The following DISP1 variants were observed in gnomAD, a reference collection of about 807,000 sequenced individuals.
DISP1 encodes dispatched RND transporter family member 1.
Under a neutral mutation model 37.3 loss-of-function variants are expected in DISP1, and 30 were observed. The ratio of observed to expected loss-of-function variants is 0.80; its 90% CI spans 0.60 to 1.09. DISP1 has a LOEUF of 1.09. Ranked by LOEUF, DISP1 falls within the 50% of genes least tolerant of loss-of-function variation. The pLI is 0.00. For missense variants in DISP1, 1,598 were observed against 1,879.5 expected (o/e 0.85, Z 2.77); for synonymous variants, 634 against 690.2 (o/e 0.92, Z 1.28).
At chr1:222,867,081 T>C (rs1455409574) in intron 1 of DISP1, among the ~76,000 whole-genome samples, 1 of 152,168 alleles carries the variant, frequency 6.6e-6, no homozygotes, top group Non-Finnish European at 1.5e-5. Context: ...ACTGGCACAT[T>C]TTAAATACTT....
intron 3 of DISP1, among the ~76,000 whole-genome samples, chr1:222,962,863 G>T (rs994293498): frequency 6.6e-6 from 1 of 152,114 alleles, no homozygotes; most frequent in African/African-American, 2.4e-5. Context: ...CAGGACATAG[G>T]CATGGACAAA....
At chr1:222,959,845 CA>C (rs2102586118) in intron 3 of DISP1, among the ~76,000 whole-genome samples, 1 of 145,648 alleles carries the variant, frequency 6.9e-6, no homozygotes, top group Non-Finnish European at 1.5e-5. Flanking sequence ...TAGTCTCTGA[CA>C]AAACAGACTT....
At chr1:222,909,549 A>T (rs1330119141) in intron 1 of DISP1, among the ~76,000 whole-genome samples, 4 of 152,214 alleles carry the variant, frequency 2.6e-5, no homozygotes, top group Non-Finnish European at 5.9e-5. Flanking sequence ...TGTAGTTGGC[A>T]CCATGCTGAG....
intron 1 of DISP1, among the ~76,000 whole-genome samples, chr1:222,841,991 A>G (rs1667636495): frequency 6.6e-6 from 1 of 152,090 alleles, no homozygotes; most frequent in African/African-American, 2.4e-5. Flanking sequence ...ATAAGTACCT[A>G]ATGAATTTTG....
At chr1:222,961,024 A>T (rs1676019932) in intron 3 of DISP1, among the ~76,000 whole-genome samples, 1 of 152,200 alleles carries the variant, frequency 6.6e-6, no homozygotes, top group Non-Finnish European at 1.5e-5. Flanking sequence ...TTCACAGCCG[A>T]ATTTTACCAG....
chr1:222,957,115 A>G (rs1157700830), intron 3 of DISP1, among the ~76,000 whole-genome samples: 1 of 147,108 alleles, frequency 6.8e-6, no homozygotes, highest in Non-Finnish European at 1.5e-5. Context: ...TCAGATTTCT[A>G]ATTGCTCTAA....
chr1:222,937,061 TATATA>T (rs1442266353), intron 2 of DISP1, among the ~76,000 whole-genome samples: 1 of 72,720 alleles, frequency 1.4e-5, no homozygotes, highest in Admixed American at 2.5e-4. Flanking sequence ...TAATATGCAA[TATATA>T]ATATATTATT....
intron 1 of DISP1, among the ~76,000 whole-genome samples, chr1:222,822,570 A>G (rs1302041559): frequency 6.6e-6 from 1 of 152,226 alleles, no homozygotes; most frequent in African/African-American, 2.4e-5. Flanking sequence ...ATTTTCAATG[A>G]TAATGATTTT....
intron 3 of DISP1, among the ~76,000 whole-genome samples, chr1:222,974,897 A>G (rs1677203833): frequency 1.3e-5 from 2 of 152,118 alleles, no homozygotes; most frequent in Non-Finnish European, 2.9e-5. Context: ...GATTTTTTTT[A>G]TTTTCAAATA....
chr1:222,968,810 G>C (rs1022935733), intron 3 of DISP1, among the ~76,000 whole-genome samples: 6 of 152,008 alleles, frequency 3.9e-5, no homozygotes, highest in African/African-American at 1.2e-4. Context: ...GCGCATGCCT[G>C]TAATCCCAGC....
At chr1:222,936,577 A>ATATATGAGATATATATATCTC (rs1558339025) in intron 2 of DISP1, among the ~76,000 whole-genome samples, 4 of 118,036 alleles carry the variant, frequency 3.4e-5, no homozygotes, top group Non-Finnish European at 6.7e-5. Context: ...TATAATATAT[A>ATATATGAGATATATATATCTC]TCATATATAT....
intron 1 of DISP1, among the ~76,000 whole-genome samples, chr1:222,816,949 GA>G (rs574270828): frequency 6.6e-6 from 1 of 152,152 alleles, no homozygotes; most frequent in Non-Finnish European, 1.5e-5. Context: ...TGGTTTTTGA[GA>G]AATAAAGCAC....
At chr1:222,882,835 G>A (rs1670353039) in intron 1 of DISP1, among the ~76,000 whole-genome samples, 1 of 152,040 alleles carries the variant, frequency 6.6e-6, no homozygotes, top group African/African-American at 2.4e-5. Context: ...GAGTGTATTT[G>A]TATAAATGCT....
rs547933857 is a variant in DISP1, at chr1:222,951,353, G to A, written c.509+8021G>A. Among the ~76,000 whole-genome samples, 18 of 126,498 alleles carry A rather than the reference G, an allele frequency of 1.4e-4. No individual in the cohort carries two copies. The South Asian group carries it at 5.1e-3, about 36-fold the overall frequency. The allele number at this position is 126,498 out of a possible 152,430, so 83.0% of individuals were successfully genotyped here. On this transcript the variant is annotated intron_variant, in intron 3 of 8. Transcript: ENST00000675850. ...GGCATTAGTTATTTTCTATGAAGGGGCCTCTTTTAAAACAAAAAAAAAAAA... is the reference window on the plus strand; with the variant it reads ...GGCATTAGTTATTTTCTATGAAGGGACCTCTTTTAAAACAAAAAAAAAAAA...
chr1:222,823,459 A>G (rs1465907849), intron 1 of DISP1, among the ~76,000 whole-genome samples: 4 of 152,222 alleles, frequency 2.6e-5, no homozygotes, highest in African/African-American at 7.2e-5. Context: ...GTTCTCACTT[A>G]TAAGTGCTAA....
chr1:222,968,720 G>A (rs1255205201), intron 3 of DISP1, among the ~76,000 whole-genome samples: 1 of 151,904 alleles, frequency 6.6e-6, no homozygotes, highest in Non-Finnish European at 1.5e-5. Flanking sequence ...GATCACCTAA[G>A]GTCAGGAGTT....
At chr1:222,844,727 T>A (rs1391533174) in intron 1 of DISP1, among the ~76,000 whole-genome samples, 1 of 152,138 alleles carries the variant, frequency 6.6e-6, no homozygotes, top group Non-Finnish European at 1.5e-5. Flanking sequence ...AAAAAATGCG[T>A]TATGCAGCAT....
chr1:222,944,569 C>T (rs1280933297), intron 3 of DISP1, among the ~76,000 whole-genome samples: 4 of 151,984 alleles, frequency 2.6e-5, no homozygotes, highest in African/African-American at 9.7e-5. Context: ...AAAGTGTAAC[C>T]CATATTTTGG....
intron 7 of DISP1, among the ~76,000 whole-genome samples, chr1:222,992,427 A>G (rs1678768040): frequency 6.6e-6 from 1 of 152,160 alleles, no homozygotes; most frequent in African/African-American, 2.4e-5. Flanking sequence ...TCCTTGTACT[A>G]TTTATTTCTA....
Sources: allele counts gnomAD v4.1 joint callset (sites outside exome capture counted in the v4.1 genomes callset), GRCh38; gene constraint gnomAD v4.1.1; transcripts MANE v1.5; gene names NCBI Gene and HGNC (gene_info 2026-07-23, HGNC 2026-07-21).